Variants in MYOM2 observed in about 807,000 individuals in gnomAD.
MYOM2 encodes the protein myomesin-2.
Under a neutral mutation model 187.6 loss-of-function variants are expected in MYOM2, and 254 were observed. The observed-to-expected ratio is 1.35, with a 90% CI of 1.22 to 1.50. The LOEUF (loss-of-function observed/expected upper bound fraction) is 1.50. MYOM2 is among the 40% of genes most tolerant of loss of function. The pLI is 0.00. For synonymous variants in MYOM2, 981 were observed against 753.8 expected (o/e 1.30, Z -4.94); for missense variants, 2,796 against 1,924.0 (o/e 1.45, Z -8.48).
At chr8:2,067,844 A>G (rs1336597257) in intron 6 of MYOM2, among the ~76,000 whole-genome samples, 2 of 152,048 alleles carry the variant, frequency 1.3e-5, no homozygotes, top group Non-Finnish European at 2.9e-5. Context: ...TGAGTGGGTG[A>G]TTCATGTCTT....
chr8:2,074,921 G>A (rs942443453), intron 10 of MYOM2, among the ~76,000 whole-genome samples: 1 of 152,178 alleles, frequency 6.6e-6, no homozygotes, highest in South Asian at 2.1e-4. Flanking sequence ...GCTGCTCTCC[G>A]GGTCCCCGGG....
chr8:2,143,111 C>T (rs994219823), intron 35 of MYOM2, among the ~76,000 whole-genome samples: 7 of 152,080 alleles, frequency 4.6e-5, no homozygotes, highest in African/African-American at 7.2e-5. Flanking sequence ...CCAGGCCTTC[C>T]GTCCTCGGTG....
chr8:2,070,941 C>T (rs180773751), intron 8 of MYOM2, among the ~76,000 whole-genome samples: 9 of 152,170 alleles, frequency 5.9e-5, no homozygotes, highest in Non-Finnish European at 5.9e-5. Flanking sequence ...CTGGCATTGG[C>T]AGTGGCTTTT....
intron 14 of MYOM2, among the ~76,000 whole-genome samples, chr8:2,089,232 G>GTTTT (rs1796208779): frequency 6.6e-6 from 1 of 151,718 alleles, no homozygotes; most frequent in Admixed American, 6.6e-5. Flanking sequence ...TGTAATCAAG[G>GTTTT]TTTTTAAAGT....
intron 31 of MYOM2, among the ~76,000 whole-genome samples, chr8:2,126,951 G>C (rs1226523103): frequency 2.0e-5 from 3 of 146,872 alleles, no homozygotes; most frequent in Admixed American, 2.0e-4. Context: ...AGCACTGGGG[G>C]AGGATGGGGA....
intron 6 of MYOM2, among the ~76,000 whole-genome samples, chr8:2,066,915 G>A (rs1274301870): frequency 6.6e-6 from 1 of 152,198 alleles, no homozygotes; most frequent in African/African-American, 2.4e-5. Flanking sequence ...CTTTGCTGAT[G>A]GCTTTGTAGT....
intron 12 of MYOM2, among the ~76,000 whole-genome samples, 163 bp from the exon 13 acceptor site, chr8:2,079,397 A>G (rs974932075): frequency 2.0e-5 from 3 of 151,986 alleles, no homozygotes; most frequent in Non-Finnish European, 4.4e-5. Context: ...AGAAGTGCTA[A>G]CTGTTACCAG....
chr8:2,081,170 G>A (rs1226435782), intron 13 of MYOM2, among the ~76,000 whole-genome samples: 2 of 106,200 alleles, frequency 1.9e-5, no homozygotes, highest in African/African-American at 3.5e-5. Flanking sequence ...ATGAGGTTTG[G>A]TTCTGGCCTG....
chr8:2,105,148 A>AG (rs1043350912), intron 21 of MYOM2, among the ~76,000 whole-genome samples: 5 of 152,078 alleles, frequency 3.3e-5, no homozygotes, highest in African/African-American at 1.2e-4. Flanking sequence ...GTGAGTTTTG[A>AG]GGGGATCATC....
At chr8:2,053,248 T>G (rs1316903668) in intron 3 of MYOM2, among the ~76,000 whole-genome samples, 1 of 152,234 alleles carries the variant, frequency 6.6e-6, no homozygotes, top group Non-Finnish European at 1.5e-5. Context: ...AAGGTTAACA[T>G]TTATTTTTAA....
chr8:2,120,680 T>TATATATATATATATAATATAA, intron 28 of MYOM2, among the ~76,000 whole-genome samples: 1 of 48,300 alleles, frequency 2.1e-5, no homozygotes, highest in Admixed American at 3.9e-4. Context: ...ATATATTATA[T>TATATATATATATATAATATAA]TATATATAAA....
intron 34 of MYOM2, among the ~76,000 whole-genome samples, chr8:2,141,855 A>G (rs997094782): frequency 2.6e-5 from 4 of 152,210 alleles, no homozygotes; most frequent in African/African-American, 9.6e-5. Context: ...TCTGCCAGTC[A>G]TCATCAGGGC....
intron 15 of MYOM2, among the ~76,000 whole-genome samples, chr8:2,091,831 G>C (rs1796313423): frequency 6.6e-6 from 1 of 152,186 alleles, no homozygotes. Flanking sequence ...CCGGCACGGA[G>C]GACACAGGTG....
At chr8:2,075,839 G>T (rs1047709819) in intron 10 of MYOM2, among the ~76,000 whole-genome samples, 2 of 152,294 alleles carry the variant, frequency 1.3e-5, no homozygotes, top group South Asian at 2.1e-4. Context: ...CCAACGTGCC[G>T]TTATGCACCA....
At chr8:2,077,474 G>A (rs190087418) in intron 11 of MYOM2, among the ~76,000 whole-genome samples, 1 of 152,180 alleles carries the variant, frequency 6.6e-6, no homozygotes, top group Non-Finnish European at 1.5e-5. Context: ...GTTTGTTTAT[G>A]CTGATTAAAT....
intron 17 of MYOM2, among the ~76,000 whole-genome samples, chr8:2,095,834 C>T (rs572767205): frequency 2.0e-4 from 30 of 152,272 alleles, no homozygotes; most frequent in Non-Finnish European, 3.7e-4. Flanking sequence ...AAACTGGAAT[C>T]GTATCTGTCA....
chr8:2,098,972 T>C lies in MYOM2; in HGVS notation c.2429T>C (p.Met810Thr), dbSNP rs1453000732. 6 of 1,604,412 alleles carry C rather than the reference T, an allele frequency of 3.7e-6. No individual in the cohort carries two copies. Among genetic ancestry groups the C allele is most frequent in the Admixed American group, 3.4e-5 (2 of 59,674 alleles). Reference protein sequence around the residue: ...SEHFKCEAWTMPEPGPAYDLT... With the variant: ...SEHFKCEAWTTPEPGPAYDLT... Reference sequence around the variant, plus strand: ...CACTTCAAGTGTGAGGCCTGGACCATGCCGGAGCCCGGTGAGTCGCTGCCC... The same window carrying C: ...CACTTCAAGTGTGAGGCCTGGACCACGCCGGAGCCCGGTGAGTCGCTGCCC... Residue 810 changes from methionine to threonine, a missense_variant, in exon 19 of 37, where the codon ATG becomes ACG. Met to Thr is a moderately conservative substitution (Grantham distance 81). Coordinates refer to ENST00000262113, the MANE Select transcript of MYOM2 (RefSeq NM_003970.4).
At chr8:2,131,635 ATTTC>A (rs1554435299) in intron 32 of MYOM2, among the ~76,000 whole-genome samples, 17,248 of 135,932 alleles carry the variant, frequency 0.13, 1,502 homozygotes, top group African/African-American at 0.29. Flanking sequence ...CAAAACAGGC[ATTTC>A]TTTCTTTTTT....
chr8:2,145,265 C>A lies in MYOM2; in HGVS notation c.*284C>A. On this transcript the variant is annotated 3_prime_UTR_variant, in exon 37 of 37. Transcript: ENST00000262113. ...GGCAGACAACACACTAGAATTTTCA[C>A]GGGTGTGGGCACATGGGTGTGGCAC... The A allele has an allele frequency of 1.9e-6, 1 of 528,506 alleles. No individual in the cohort carries two copies. Among genetic ancestry groups the A allele is most frequent in the Non-Finnish European group, 3.3e-6 (1 of 301,018 alleles). The allele number at this position is 528,506 out of a possible 1,614,324, so 32.7% of individuals were successfully genotyped here.
Sources: gnomAD v4.1 joint callset for allele counts (sites outside exome capture counted in the v4.1 genomes callset) on GRCh38, gnomAD v4.1.1 for gene constraint, MANE v1.5 for transcripts, NCBI Gene and HGNC (gene_info 2026-07-23, HGNC 2026-07-21) for gene names.